Variants in GJA3 observed in about 807,000 individuals in gnomAD.
GJA3 encodes the protein gap junction protein alpha 3.
For missense variants in GJA3, 571 were observed against 620.3 expected (o/e 0.92, Z 0.84); for synonymous variants, 297 against 292.6 (o/e 1.02, Z -0.15).
At chr13:20,145,661 A>G (rs1958837590) in intron 1 of GJA3, among the ~76,000 whole-genome samples, 1 of 152,198 alleles carries the variant, frequency 6.6e-6, no homozygotes, top group Admixed American at 6.5e-5. Flanking sequence ...GCCACGCTGA[A>G]GCCTGAAACT....
chr13:20,141,804 A>G lies in GJA3; in HGVS notation c.*177T>C. 1 of 934,250 alleles carries G rather than the reference A, an allele frequency of 1.1e-6. No individual in the cohort carries two copies. Among genetic ancestry groups the G allele is most frequent in the Non-Finnish European group, 1.6e-6 (1 of 632,102 alleles). 57.9% of individuals were successfully genotyped at this position (934,250 alleles called of 1,614,324 possible). ...CCCCACTGTAACTCACAGTGCTAAG[A>G]ACAGCAAGCATTGAACACGGAAACC... On this transcript the variant is annotated 3_prime_UTR_variant, in exon 2 of 2. Coordinates refer to ENST00000241125, the MANE Select transcript of GJA3 (RefSeq NM_021954.4).
intron 1 of GJA3, among the ~76,000 whole-genome samples, chr13:20,153,078 C>T (rs1295473443): frequency 6.6e-6 from 1 of 152,206 alleles, no homozygotes; most frequent in African/African-American, 2.4e-5. Context: ...CAAGCTTTTG[C>T]ACCTAAAGAC....
rs146753003 is a variant in GJA3 at position 20,143,086 on chromosome 13, C to T, written c.203G>A (p.Arg68Lys). 7.9e-5 allele frequency: 128 copies of T among 1,613,864 alleles called. No homozygotes were observed. The highest frequency in any genetic ancestry group is 1.1e-4 in the Non-Finnish European group (126 of 1,179,948). ...GCGGATGTGGGAGATGGGGAAGGCC[C>T]TGTCGTAGCAGACGTTCTCGCAGCC... ...QPGCENVCYD[R>K]AFPISHIRFW... The change falls in exon 2 of 2, where the codon AGG becomes AAG. Residue 68 changes from arginine to lysine, a missense_variant. By Grantham distance (26) the Arg-to-Lys change is conservative (BLOSUM62 2). Transcript: ENST00000241125.
At chr13:20,161,486 C>T (rs1593342566), upstream of GJA3, among the ~76,000 whole-genome samples, 1 of 152,108 alleles carries the variant, frequency 6.6e-6, no homozygotes, top group South Asian at 2.1e-4. Context: ...CGGGCGCTCC[C>T]ACGGTCGGAG....
chr13:20,140,666 C>T lies in GJA3; in HGVS notation c.*1315G>A, dbSNP rs1158233024. The stretch of plus-strand genomic sequence containing the variant: ...ATGCCCACACACATAAATAGCCTTC[C>T]CTGTCAGGACAGCTCTGGTGTGGAG... On this transcript the variant is annotated 3_prime_UTR_variant, in exon 2 of 2. Coordinates refer to ENST00000241125, the MANE Select transcript of GJA3 (RefSeq NM_021954.4). 5 of 152,166 alleles carry T rather than the reference C, an allele frequency of 3.3e-5. No individual in the cohort carries two copies. The highest frequency in any genetic ancestry group is 5.9e-5 in the Non-Finnish European group (4 of 68,054). 9.4% of individuals were successfully genotyped at this position (152,166 alleles called of 1,614,324 possible). A position where few individuals can be genotyped will look rare whatever the true frequency, so the allele number is the denominator to read the frequency against.
chr13:20,144,560 GCAGGCCCA>G (rs1371523941), intron 1 of GJA3, among the ~76,000 whole-genome samples: 5 of 152,210 alleles, frequency 3.3e-5, no homozygotes, highest in Non-Finnish European at 7.3e-5. Context: ...GGTACCAGCT[GCAGGCCCA>G]CCCCCAGGCC....
intron 1 of GJA3, among the ~76,000 whole-genome samples, chr13:20,158,931 A>AAAAAAAAAAAAAAAAAAAAAAAAAAG (rs1555340275): frequency 6.7e-6 from 1 of 148,838 alleles, no homozygotes; most frequent in African/African-American, 2.5e-5. Context: ...AAAAAAAAAA[A>AAAAAAAAAAAAAAAAAAAAAAAAAAG]AAAAAGAAAA....
chr13:20,142,224 G>C lies in GJA3; in HGVS notation c.1065C>G (p.Val355=), dbSNP rs989998887. 9 of 1,521,622 alleles carry C rather than the reference G, an allele frequency of 5.9e-6. No individual in the cohort carries two copies. Among genetic ancestry groups the C allele is most frequent in the Non-Finnish European group, 7.0e-6 (8 of 1,138,886 alleles). 94.3% of individuals were successfully genotyped at this position (1,521,622 alleles called of 1,614,324 possible). A position where few individuals can be genotyped will look rare whatever the true frequency, so the allele number is the denominator to read the frequency against. ...GCGCGAGTGGCGGGGAGCTGCTGCC[G>C]ACGGGGCTGGGGGCTGCAGGCGTGG... ...AASTPAAPSP[V]GSSSPPLAHE... Residue 355 remains valine (V), a synonymous_variant, in exon 2 of 2, where the codon GTC becomes GTG. Transcript: ENST00000241125.
intron 1 of GJA3, among the ~76,000 whole-genome samples, chr13:20,160,162 C>G (rs1278655122): frequency 1.3e-5 from 2 of 152,140 alleles, no homozygotes; most frequent in Non-Finnish European, 2.9e-5. Flanking sequence ...AATGCAGCCG[C>G]GTCACTGCCG....
chr13:20,140,398 G>C lies in GJA3; in HGVS notation c.*1583C>G, dbSNP rs1958800453. 1 of 152,168 alleles carries C rather than the reference G, an allele frequency of 6.6e-6. No homozygotes were observed. Among genetic ancestry groups the C allele is most frequent in the African/African-American group, 2.4e-5 (1 of 41,434 alleles). The allele number at this position is 152,168 out of a possible 1,614,324, so 9.4% of individuals were successfully genotyped here. On this transcript the variant is annotated 3_prime_UTR_variant, in exon 2 of 2. Transcript: ENST00000241125. The stretch of plus-strand genomic sequence containing the variant: ...AGATTGTTAGTGGAGCACCCTTTAT[G>C]ATAGAAAACAGAAAGTATGTTTGGA...
At position 20,143,075 on chromosome 13, in the gene GJA3, TG is replaced by T; in HGVS notation, c.213del (p.Ile72SerfsTer44). ...AGCGCCCAGAAGCGGATGTGGGAGA[TG>T]GGGAAGGCCCTGTCGTAGCAGACGT... ...CENVCYDRAF[P>X]ISHIRFWALQ... On this transcript the variant is annotated frameshift_variant, in exon 2 of 2. Coordinates refer to ENST00000241125, the MANE Select transcript of GJA3 (RefSeq NM_021954.4). LOFTEE classifies it low-confidence loss of function (END_TRUNC). 2 of 1,613,892 alleles carry T rather than the reference TG, an allele frequency of 1.2e-6. No individual in the cohort carries two copies. Among genetic ancestry groups the T allele is most frequent in the Non-Finnish European group, 1.7e-6 (2 of 1,179,934 alleles).
At chr13:20,160,242 T>A (rs1030746482) in intron 1 of GJA3, among the ~76,000 whole-genome samples, 55 of 152,324 alleles carry the variant, frequency 3.6e-4, no homozygotes, top group African/African-American at 1.2e-3. Context: ...AAATTCCTTA[T>A]AGTTGAACAC....
At chr13:20,160,022 T>C (rs1958928194) in intron 1 of GJA3, among the ~76,000 whole-genome samples, 2 of 152,230 alleles carry the variant, frequency 1.3e-5, no homozygotes, top group Non-Finnish European at 2.9e-5. Flanking sequence ...CATTTTTAAA[T>C]GGCATGTTTT....
In GJA3 at chr13:20,148,173, C is replaced by T. The variant is rs1277052353; in HGVS notation, c.-17-4868G>A. Among the ~76,000 whole-genome samples the T allele has an allele frequency of 7.9e-5, 12 of 152,170 alleles. No homozygotes were observed. In the South Asian group the frequency reaches 2.5e-3, roughly 32 times the overall value. ...AAGCCTCCCCAGCAGATGCGGTATCCACCTCCCTTCGCCGTCAGACTTTAG... is the reference window on the plus strand; with the variant it reads ...AAGCCTCCCCAGCAGATGCGGTATCTACCTCCCTTCGCCGTCAGACTTTAG... On this transcript the variant is annotated intron_variant, in intron 1 of 1. Transcript: ENST00000241125.
intron 1 of GJA3, among the ~76,000 whole-genome samples, chr13:20,148,109 TG>T (rs1566517028): frequency 1.3e-5 from 2 of 152,176 alleles, no homozygotes; most frequent in Non-Finnish European, 2.9e-5. Context: ...ACAATCTATC[TG>T]GGAGACTGAC....
intron 1 of GJA3, among the ~76,000 whole-genome samples, chr13:20,148,609 CAG>C (rs1159135310): frequency 2.6e-5 from 4 of 152,070 alleles, no homozygotes; most frequent in African/African-American, 9.7e-5. Context: ...GTGAAATCAG[CAG>C]AGAGTTGCAC....
At chr13:20,150,372 GGTGTGTGTGTGTGTGT>G (rs71816956) in intron 1 of GJA3, among the ~76,000 whole-genome samples, 6 of 147,996 alleles carry the variant, frequency 4.1e-5, no homozygotes, top group African/African-American at 1.5e-4. Flanking sequence ...CACTGCTCCT[GGTGTGTGTGTGTGTGT>G]GTGTGTGTGT....
Position 20,141,957 on chromosome 13 carries a change from T to A in GJA3, c.*24A>T. 4 of 1,549,942 alleles carry A rather than the reference T, an allele frequency of 2.6e-6. No homozygotes were observed. The highest frequency in any genetic ancestry group is 3.5e-6 in the Non-Finnish European group (4 of 1,146,558). On this transcript the variant is annotated 3_prime_UTR_variant, in exon 2 of 2. Coordinates refer to ENST00000241125, the MANE Select transcript of GJA3 (RefSeq NM_021954.4). ...TCTAAGAAAAAGATCACTACACAGC[T>A]GTCTGGAGGCAGGCACCCGGGCACT...
At chr13:20,160,348 ATGTAGGCGAGCCAACCT>A (rs1958929903) in intron 1 of GJA3, among the ~76,000 whole-genome samples, 1 of 152,248 alleles carries the variant, frequency 6.6e-6, no homozygotes, top group South Asian at 2.1e-4. Context: ...TCTGAAAAAA[ATGTAGGCGAGCCAACCT>A]TGTTTCTAAA....
Sources: allele counts gnomAD v4.1 joint callset (sites outside exome capture counted in the v4.1 genomes callset), GRCh38; gene constraint gnomAD v4.1.1; transcripts MANE v1.5; gene names NCBI Gene and HGNC (gene_info 2026-07-23, HGNC 2026-07-21).